RNF43: variants seen among roughly 807,000 people sequenced by gnomAD.
RNF43 encodes ring finger protein 43, also known as E3 ubiquitin-protein ligase RNF43.
RNF43 carries 37 observed loss-of-function variants against 78.4 expected under a neutral mutation model. The ratio of observed to expected loss-of-function variants is 0.47; its 90% CI spans 0.36 to 0.62. The LOEUF is 0.62. Ranked by LOEUF, RNF43 falls within the 20% of genes least tolerant of loss-of-function variation. RNF43 has a pLI of 0.00. For synonymous variants in RNF43, 347 were observed against 395.0 expected (o/e 0.88, Z 1.44); for missense variants, 774 against 1,007.9 (o/e 0.77, Z 3.14).
At chr17:58,403,263 C>T (rs1481208904) in intron 2 of RNF43, among the ~76,000 whole-genome samples, 1 of 152,150 alleles carries the variant, frequency 6.6e-6, no homozygotes, top group East Asian at 1.9e-4. Flanking sequence ...GGGGGACTTG[C>T]TAATGTTGCA....
chr17:58,410,127 GA>G (rs1413561404), intron 2 of RNF43, among the ~76,000 whole-genome samples: 2 of 151,724 alleles, frequency 1.3e-5, no homozygotes, highest in African/African-American at 4.8e-5. Flanking sequence ...GTACGAAGCT[GA>G]ACTTACAAAT....
At chr17:58,352,941 C>T (rs1026697546), downstream of RNF43, 1 of 214,430 alleles carries the variant, frequency 4.7e-6, no homozygotes, top group Non-Finnish European at 9.4e-6. Flanking sequence ...AACCACCACC[C>T]CTACCAAACC....
At chr17:58,382,083 A>G (rs1973333139) in intron 2 of RNF43, among the ~76,000 whole-genome samples, 1 of 152,142 alleles carries the variant, frequency 6.6e-6, no homozygotes, top group Non-Finnish European at 1.5e-5. Flanking sequence ...TCCCTCATAT[A>G]TTCCCCTGAA....
intron 2 of RNF43, among the ~76,000 whole-genome samples, chr17:58,372,102 T>C (rs558806652): frequency 1.3e-5 from 2 of 152,332 alleles, no homozygotes; most frequent in Non-Finnish European, 1.5e-5. Context: ...TCTACTACTG[T>C]TGATGTCTGA....
In RNF43 at chr17:58,354,170, TC is replaced by T. The variant is rs1486107964; in HGVS notation, c.*772del. 4.9e-6 allele frequency: 1 copy of T among 202,864 alleles called. No individual in the cohort carries two copies. Among genetic ancestry groups the T allele is most frequent in the Non-Finnish European group, 1.0e-5 (1 of 98,756 alleles). The allele number at this position is 202,864 out of a possible 1,614,324, so 12.6% of individuals were successfully genotyped here. ...TTCTGCCTTTTCTACCTTCATTCCA[TC>T]CTTCCTCTGCCCAGATAAAGTCCAG... On this transcript the variant is annotated 3_prime_UTR_variant, in exon 10 of 10. Transcript: ENST00000407977.
intron 9 of RNF43, among the ~76,000 whole-genome samples, chr17:58,355,829 C>T (rs1488357877): frequency 1.3e-5 from 2 of 152,144 alleles, no homozygotes; most frequent in Non-Finnish European, 2.9e-5. Context: ...GCCTTCGAGG[C>T]CCTGTAAGAG....
intron 6 of RNF43, 131 bp from the exon 7 acceptor site, chr17:58,361,075 C>A: frequency 4.4e-6 from 4 of 903,338 alleles, no homozygotes; most frequent in Non-Finnish European, 4.7e-6. Context: ...AGGAGTTCGT[C>A]TCCTCGGAGC....
rs189429812 is a variant in RNF43 at position 58,397,086 on chromosome 17, A to G, written c.252+18240T>C. ...CCGTGTGTGTAGGAATACAGAAATCAGGGTAGAGATTGAAAGAAAAGAAAA... is the reference window on the plus strand; with the variant it reads ...CCGTGTGTGTAGGAATACAGAAATCGGGGTAGAGATTGAAAGAAAAGAAAA... On this transcript the variant is annotated intron_variant, in intron 2 of 9. Coordinates refer to ENST00000407977, the MANE Select transcript of RNF43 (RefSeq NM_017763.6). Among the ~76,000 whole-genome samples, 186 of 152,046 alleles carry G rather than the reference A, an allele frequency of 1.2e-3. 1 individual carries two copies. The highest frequency in any genetic ancestry group is 4.4e-3 in the African/African-American group (184 of 41,526).
rs767179579 is a variant in RNF43, at chr17:58,358,171, C to G, written c.1605G>C (p.Ser535=). ...SVTSRPRSLD[S]VVPTGETQVS... ...CCTGGGTTTCCCCTGTGGGCACCACCGAGTCCAAGGAACGAGGCCGAGAGG... is the reference window on the plus strand; with the variant it reads ...CCTGGGTTTCCCCTGTGGGCACCACGGAGTCCAAGGAACGAGGCCGAGAGG... The change falls in exon 9 of 10, where the codon TCG becomes TCC. Residue 535 remains serine, a synonymous_variant. Transcript: ENST00000407977. The surrounding 1 kb of genome is among the most constrained non-coding windows in gnomAD (Gnocchi z 6.2). The G allele has an allele frequency of 2.5e-6, 4 of 1,612,366 alleles. No homozygotes were observed. Among genetic ancestry groups the G allele is most frequent in the Non-Finnish European group, 3.4e-6 (4 of 1,179,392 alleles).
chr17:58,381,309 G>C (rs900908080), intron 2 of RNF43, among the ~76,000 whole-genome samples: 2 of 152,234 alleles, frequency 1.3e-5, no homozygotes, highest in Admixed American at 1.3e-4. Context: ...GGAAGGGCTT[G>C]TGTTGGAGAT....
chr17:58,355,309 G>C (rs1972665004), intron 9 of RNF43, among the ~76,000 whole-genome samples: 1 of 152,170 alleles, frequency 6.6e-6, no homozygotes, highest in African/African-American at 2.4e-5. Flanking sequence ...AATAAGCAGG[G>C]ACCTGGTAAC....
intron 2 of RNF43, among the ~76,000 whole-genome samples, chr17:58,386,252 C>T (rs1263938205): frequency 6.6e-6 from 1 of 152,032 alleles, no homozygotes; most frequent in Admixed American, 6.6e-5. Context: ...ATGGTGAAAC[C>T]CTGTCTCTAC....
At position 58,357,802 on chromosome 17, in the gene RNF43, C is replaced by T. The variant is rs2143394485; in HGVS notation, c.1974G>A (p.Gly658=). Residue 658 remains glycine, a synonymous_variant, in exon 9 of 10, where the codon GGG becomes GGA. Coordinates refer to ENST00000407977, the MANE Select transcript of RNF43 (RefSeq NM_017763.6). The surrounding 1 kb of genome is among the most constrained non-coding windows in gnomAD (Gnocchi z 4.5). ...SARHPQRKRR[G]GPSEPTPGSR... ...AGCCAGGGGTGGGCTCGGAGGGACCCCCCCGCCTTTTCCTCTGTGGGTGTC... is the reference window on the plus strand; with the variant it reads ...AGCCAGGGGTGGGCTCGGAGGGACCTCCCCGCCTTTTCCTCTGTGGGTGTC... 1.2e-6 allele frequency: 2 copies of T among 1,614,126 alleles called. No individual in the cohort carries two copies. Among genetic ancestry groups the T allele is most frequent in the Non-Finnish European group, 1.7e-6 (2 of 1,180,012 alleles).
chr17:58,393,650 T>A (rs1437268021), intron 2 of RNF43, among the ~76,000 whole-genome samples: 2 of 152,212 alleles, frequency 1.3e-5, no homozygotes, highest in Admixed American at 1.3e-4. Flanking sequence ...CTATTTTGAT[T>A]ACAATGTAGG....
chr17:58,358,685 C>A lies in RNF43; in HGVS notation c.1091G>T (p.Ser364Ile). 6.5e-7 allele frequency: 1 copy of A among 1,532,748 alleles called. No individual in the cohort carries two copies. Among genetic ancestry groups the A allele is most frequent in the South Asian group, 1.2e-5 (1 of 80,442 alleles). 94.9% of individuals were successfully genotyped at this position (1,532,748 alleles called of 1,614,324 possible). A position where few individuals can be genotyped will look rare whatever the true frequency, so the allele number is the denominator to read the frequency against. ...PAAYLLGPSRSAVARPPRPGP... is the reference protein window; with the variant it reads ...PAAYLLGPSRIAVARPPRPGP... ...AGGTCGTGGGGGCCGAGCCACTGCA[C>A]TCCGGGAAGGGCCCAACAGGTAGGC... Residue 364 changes from serine to isoleucine, a missense_variant, in exon 9 of 10, where the codon AGT becomes ATT. Coordinates refer to ENST00000407977, the MANE Select transcript of RNF43 (RefSeq NM_017763.6). This position sits in a 1 kb window ranked among gnomAD's most constrained non-coding sequence, Gnocchi z 6.2.
Position 58,358,833 on chromosome 17 carries a change from AG to A in RNF43, c.953-11del. The A allele has an allele frequency of 6.7e-7, 1 of 1,482,058 alleles. No individual in the cohort carries two copies. Among genetic ancestry groups the A allele is most frequent in the Non-Finnish European group, 8.9e-7 (1 of 1,120,378 alleles). The allele number at this position is 1,482,058 out of a possible 1,614,324, so 91.8% of individuals were successfully genotyped here. A position where few individuals can be genotyped will look rare whatever the true frequency, so the allele number is the denominator to read the frequency against. On this transcript the variant is annotated splice_polypyrimidine_tract_variant and intron_variant, in intron 8 of 9. Transcript: ENST00000407977. This position sits in a 1 kb window ranked among gnomAD's most constrained non-coding sequence, Gnocchi z 6.2. ...GAAAATGAATCTCCCTCTGGAAAAAAGAACCAAGAGCACAGATGTTTAACTC... is the reference window on the plus strand; with the variant it reads ...GAAAATGAATCTCCCTCTGGAAAAAAAACCAAGAGCACAGATGTTTAACTC...
Position 58,354,376 on chromosome 17 carries a change from T to C in RNF43, c.*567A>G. ...CTTCAGGGACCCCTCCTTTTAGTGCTCAGGGCTCACCTATGCTACTGGTCC... is the reference window on the plus strand; with the variant it reads ...CTTCAGGGACCCCTCCTTTTAGTGCCCAGGGCTCACCTATGCTACTGGTCC... On this transcript the variant is annotated 3_prime_UTR_variant, in exon 10 of 10. Coordinates refer to ENST00000407977, the MANE Select transcript of RNF43 (RefSeq NM_017763.6). The C allele has an allele frequency of 4.6e-6, 1 of 215,988 alleles. No individual in the cohort carries two copies. Among genetic ancestry groups the C allele is most frequent in the African/African-American group, 2.3e-5 (1 of 44,268 alleles). 13.4% of individuals were successfully genotyped at this position (215,988 alleles called of 1,614,324 possible). A position where few individuals can be genotyped will look rare whatever the true frequency, so the allele number is the denominator to read the frequency against.
chr17:58,364,278 C>T (rs1367501500), intron 3 of RNF43, among the ~76,000 whole-genome samples: 3 of 152,192 alleles, frequency 2.0e-5, no homozygotes, highest in African/African-American at 2.4e-5. Flanking sequence ...TTTATCCTTT[C>T]GTCCCCTCCC....
intron 2 of RNF43, among the ~76,000 whole-genome samples, chr17:58,394,651 G>C (rs754436458): frequency 2.6e-5 from 4 of 152,204 alleles, no homozygotes; most frequent in South Asian, 2.1e-4. Flanking sequence ...GAAGTTCAAA[G>C]CAGGCCAACA....
Sources: gnomAD v4.1 joint callset for allele counts (sites outside exome capture counted in the v4.1 genomes callset) on GRCh38, gnomAD v4.1.1 for gene constraint, Gnocchi (gnomAD v3.1) non-coding constraint, MANE v1.5 for transcripts, NCBI Gene and HGNC (gene_info 2026-07-23, HGNC 2026-07-21) for gene names.